The following APC variants were observed in gnomAD, a reference collection of about 807,000 sequenced individuals.
The protein encoded by APC is adenomatous polyposis coli protein.
Under a neutral mutation model 247.0 loss-of-function variants are expected in APC, and 72 were observed. The ratio of observed to expected loss-of-function variants is 0.29; its 90% CI spans 0.24 to 0.35. APC has a LOEUF of 0.35. Among genes scored for constraint, APC ranks in the 10% least tolerant of loss-of-function variants. The pLI is 1.00. For missense variants in APC, 3,400 were observed against 3,360.7 expected (o/e 1.01, Z -0.29); for synonymous variants, 1,254 against 1,162.5 (o/e 1.08, Z -1.60).
At chr5:112,796,608 G>C (rs978862145) in intron 7 of APC, among the ~76,000 whole-genome samples, 1 of 151,724 alleles carries the variant, frequency 6.6e-6, no homozygotes, top group African/African-American at 2.4e-5. Context: ...CCTGGCCCTT[G>C]GAAAGGGCCA....
In APC at chr5:112,751,808, A is replaced by G. The variant is rs576231736; in HGVS notation, c.-18-3065A>G. On this transcript the variant is annotated intron_variant, in intron 1 of 15. Coordinates refer to ENST00000257430, the MANE Select transcript of APC (RefSeq NM_000038.6). ...TTTGTGTTGACTAATATTATGACTA[A>G]TAGAATGGTACCCTGACTGTAGGAC... 4.6e-5 allele frequency among the ~76,000 whole-genome samples: 7 copies of G among 152,092 alleles called. No individual in the cohort carries two copies. The South Asian group carries it at 1.4e-3, about 32-fold the overall frequency.
chr5:112,804,782 G>A (rs546200071), intron 8 of APC, among the ~76,000 whole-genome samples: 2 of 152,172 alleles, frequency 1.3e-5, no homozygotes, highest in African/African-American at 4.8e-5. Context: ...TTGCTTCAGG[G>A]TAGAAGTTCG....
At chr5:112,747,603 C>G (rs757252534) in intron 1 of APC, among the ~76,000 whole-genome samples, 5 of 152,144 alleles carry the variant, frequency 3.3e-5, no homozygotes, top group Non-Finnish European at 7.4e-5. Context: ...TTTATCACCT[C>G]TTTCGCCTAA....
intron 8 of APC, among the ~76,000 whole-genome samples, chr5:112,812,336 A>G (rs955272505): frequency 1.3e-5 from 2 of 152,160 alleles, no homozygotes; most frequent in Admixed American, 6.5e-5. Flanking sequence ...ATAGACCAAG[A>G]AAAAGGTTCC....
chr5:112,825,152 C>T (rs1036940867), intron 11 of APC, among the ~76,000 whole-genome samples: 1 of 152,198 alleles, frequency 6.6e-6, no homozygotes, highest in Admixed American at 6.5e-5. Context: ...AAATCATTCA[C>T]GATGCCATCC....
At chr5:112,761,935 A>C (rs1466487002) in intron 2 of APC, among the ~76,000 whole-genome samples, 3 of 152,336 alleles carry the variant, frequency 2.0e-5, no homozygotes, top group African/African-American at 7.2e-5. Context: ...TTCATTAAGA[A>C]AATGAAAAAG....
At chr5:112,829,221 C>T (rs1561558458) in intron 14 of APC, 1 of 378,862 alleles carries the variant, frequency 2.6e-6, no homozygotes. Flanking sequence ...TCACTGCAAC[C>T]TCCGTCTCCC....
intron 6 of APC, chr5:112,783,816 A>G: frequency 2.6e-6 from 1 of 382,270 alleles, no homozygotes. Flanking sequence ...AAAAGAAAGA[A>G]AACAGATAAC....
intron 1 of APC, among the ~76,000 whole-genome samples, chr5:112,751,642 G>T (rs1754380727): frequency 6.6e-6 from 1 of 151,674 alleles, no homozygotes; most frequent in Admixed American, 6.6e-5. Context: ...AATGATTTCT[G>T]TATATTTTGT....
Position 112,839,558 on chromosome 5 carries a change from G to T in APC, c.3964G>T (p.Glu1322Ter). Residue 1322 changes from glutamate to a stop codon, truncating the protein, a stop_gained, in exon 16 of 16, where the codon GAA becomes TAA. Coordinates refer to ENST00000257430, the MANE Select transcript of APC (RefSeq NM_000038.6). LOFTEE classifies it high-confidence loss of function. The surrounding 1 kb of genome is among the most constrained non-coding windows in gnomAD (Gnocchi z 5.0). Reference sequence around the variant, plus strand: ...TAGGTCAGCTGAAGATCCTGTGAGCGAAGTTCCAGCAGTGTCACAGCACCC... The same window carrying T: ...TAGGTCAGCTGAAGATCCTGTGAGCTAAGTTCCAGCAGTGTCACAGCACCC... ...GTRSAEDPVS[E>*]VPAVSQHPRT... 1 of 1,614,178 alleles carries T rather than the reference G, an allele frequency of 6.2e-7. No homozygotes were observed. Among genetic ancestry groups the T allele is most frequent in the Non-Finnish European group, 8.5e-7 (1 of 1,180,008 alleles).
intron 7 of APC, among the ~76,000 whole-genome samples, chr5:112,799,124 G>A (rs763898697): frequency 2.3e-5 from 3 of 132,014 alleles, no homozygotes; most frequent in African/African-American, 5.8e-5. Context: ...CATGAGAATC[G>A]TTTGAGCCGA....
intron 9 of APC, 70 bp downstream of exon 9, chr5:112,815,663 C>T (rs971466838): frequency 1.4e-5 from 17 of 1,203,012 alleles, no homozygotes; most frequent in Non-Finnish European, 1.8e-5. Context: ...TGGCCAGGTG[C>T]AGTGGCTCAC....
At chr5:112,828,294 G>A (rs2149815121) in intron 13 of APC, among the ~76,000 whole-genome samples, 1 of 152,196 alleles carries the variant, frequency 6.6e-6, no homozygotes, top group Non-Finnish European at 1.5e-5. Flanking sequence ...TTACAGGCGT[G>A]TGCCACCACA....
In APC at chr5:112,838,639, T is replaced by C. The variant is rs1554084657; in HGVS notation, c.3045T>C (p.Asp1015=). Reference sequence around the variant, plus strand: ...AAATACATAGTGCAAATCATATGGATGATAATGATGGAGAACTAGATACAC... The same window carrying C: ...AAATACATAGTGCAAATCATATGGACGATAATGATGGAGAACTAGATACAC... The part of the protein sequence containing the change: ...AHKIHSANHM[D]DNDGELDTPI... Residue 1015 remains aspartate, a synonymous_variant, in exon 16 of 16, where the codon GAT becomes GAC. Transcript: ENST00000257430. 2 of 1,614,138 alleles carry C rather than the reference T, an allele frequency of 1.2e-6. No homozygotes were observed. Among genetic ancestry groups the C allele is most frequent in the African/African-American group, 1.3e-5 (1 of 75,048 alleles).
chr5:112,812,255 A>G (rs1762062200), intron 8 of APC, among the ~76,000 whole-genome samples: 1 of 152,216 alleles, frequency 6.6e-6, no homozygotes, highest in Admixed American at 6.5e-5. Flanking sequence ...GGCTACCTAC[A>G]AACAGTAAAA....
upstream of APC, among the ~76,000 whole-genome samples, chr5:112,735,182 A>AAT (rs1015030689): frequency 6.6e-6 from 1 of 151,624 alleles, no homozygotes; most frequent in East Asian, 2.0e-4. Flanking sequence ...GATCAGAAAA[A>AAT]ATATATATAT....
intron 15 of APC, 144 bp from the exon 16 acceptor site, chr5:112,837,409 T>TACAA: frequency 1.6e-6 from 1 of 620,032 alleles, no homozygotes. Context: ...TACATGAAAT[T>TACAA]AGAACAAAAG....
intron 8 of APC, among the ~76,000 whole-genome samples, chr5:112,801,977 C>T (rs979638223): frequency 3.3e-5 from 5 of 151,784 alleles, no homozygotes; most frequent in Admixed American, 1.3e-4. Flanking sequence ...ATGCTACCAT[C>T]CGTTATCTTA....
At chr5:112,727,577 G>A (rs960310352) in intron 1 of APC, among the ~76,000 whole-genome samples, 2 of 151,714 alleles carry the variant, frequency 1.3e-5, no homozygotes, top group African/African-American at 4.8e-5. Context: ...ATATTTTCAG[G>A]GCTGATTTGT....
Sources: allele counts gnomAD v4.1 joint callset (sites outside exome capture counted in the v4.1 genomes callset), GRCh38; gene constraint gnomAD v4.1.1; non-coding constraint Gnocchi (gnomAD v3.1); transcripts MANE v1.5; gene names NCBI Gene and HGNC (gene_info 2026-07-23, HGNC 2026-07-21).